The following LPCAT1 variants were observed in gnomAD, a reference collection of about 807,000 sequenced individuals.
The protein encoded by LPCAT1 is lysophosphatidylcholine acyltransferase 1.
In LPCAT1, 23 loss-of-function variants were observed where a neutral mutation model predicts 60.9. That is an observed-to-expected ratio of 0.38 (90% CI 0.27 to 0.53). The LOEUF (loss-of-function observed/expected upper bound fraction) is 0.53. Among genes scored for constraint, LPCAT1 ranks in the 20% least tolerant of loss-of-function variants. The probability of loss-of-function intolerance (pLI) is 0.82; values close to 1 mark genes in which losing one functional copy is unlikely to be tolerated. For missense variants in LPCAT1, 622 were observed against 723.6 expected (o/e 0.86, Z 1.61); for synonymous variants, 340 against 301.1 (o/e 1.13, Z -1.34).
chr5:1,509,705 A>G (rs1290679079), intron 1 of LPCAT1, among the ~76,000 whole-genome samples: 2 of 152,198 alleles, frequency 1.3e-5, no homozygotes, highest in Non-Finnish European at 2.9e-5. Flanking sequence ...TTCATATAAC[A>G]TGACTTCTGG....
chr5:1,505,247 A>G (rs967570278), intron 1 of LPCAT1, among the ~76,000 whole-genome samples: 13 of 149,928 alleles, frequency 8.7e-5, no homozygotes, highest in Admixed American at 6.6e-4. Flanking sequence ...CAGAGTGCGG[A>G]ATAAAATCAC....
At chr5:1,479,423 A>G in intron 8 of LPCAT1, 198 bp downstream of exon 8, 1 of 595,454 alleles carries the variant, frequency 1.7e-6, no homozygotes, top group South Asian at 2.0e-5. Context: ...CAAGTGGTTC[A>G]GACTCATAAG....
intron 12 of LPCAT1, 68 bp downstream of exon 12, chr5:1,470,757 TG>T (rs1166599930): frequency 1.7e-6 from 2 of 1,185,880 alleles, no homozygotes. Flanking sequence ...ACTAGAGAAA[TG>T]AACAATGGTG....
At position 1,477,319 on chromosome 5, in the gene LPCAT1, G is replaced by T. The variant is rs1333276735; in HGVS notation, c.899+85C>A. On this transcript the variant is annotated intron_variant, in intron 9 of 13. Transcript: ENST00000283415. This position sits in a 1 kb window ranked among gnomAD's most constrained non-coding sequence, Gnocchi z 6.0. ...TTCTGCAAGAATGCCTTTTCCTAAC[G>T]CTGTTGCCTATTTTAAATATACAGA... is the stretch of plus-strand genomic sequence containing the variant. 18 of 1,108,086 alleles carry T rather than the reference G, an allele frequency of 1.6e-5. No individual in the cohort carries two copies. The highest frequency in any genetic ancestry group is 2.3e-5 in the Non-Finnish European group (17 of 746,064). 68.6% of individuals were successfully genotyped at this position (1,108,086 alleles called of 1,614,324 possible). A position where few individuals can be genotyped will look rare whatever the true frequency, so the allele number is the denominator to read the frequency against.
rs11953254 is a variant in LPCAT1, at chr5:1,489,397, G to A, written c.606+349C>T. On this transcript the variant is annotated intron_variant, in intron 4 of 13. Transcript: ENST00000283415. ...ATACAGACCAGGAAGTTTACTCCAG[G>A]ACTTTTAGAACCACCCAACACACAG... Among the ~76,000 whole-genome samples, 506 of 152,314 alleles carry A rather than the reference G, an allele frequency of 3.3e-3. 3 individuals carry two copies. Among genetic ancestry groups the A allele is most frequent in the Admixed American group, 8.3e-3 (127 of 15,298 alleles).
Position 1,504,331 on chromosome 5 carries a change from C to T in LPCAT1, c.136-2728G>A, listed in dbSNP as rs572220453. On this transcript the variant is annotated intron_variant, in intron 1 of 13. Coordinates refer to ENST00000283415, the MANE Select transcript of LPCAT1 (RefSeq NM_024830.5). ...GAGAGCGCAGCGGAGGAGACCGTAGCCTCGGCCTTCAGCCCACCTGGTCCC... is the reference window on the plus strand; with the variant it reads ...GAGAGCGCAGCGGAGGAGACCGTAGTCTCGGCCTTCAGCCCACCTGGTCCC... Among the ~76,000 whole-genome samples, 27 of 152,356 alleles carry T rather than the reference C, an allele frequency of 1.8e-4. No homozygotes were observed. In the South Asian group the frequency reaches 5.6e-3, roughly 32 times the overall value.
chr5:1,478,605 C>T (rs554908153), intron 8 of LPCAT1, among the ~76,000 whole-genome samples: 1 of 152,394 alleles, frequency 6.6e-6, no homozygotes, highest in African/African-American at 2.4e-5. Context: ...GAACTGCCGC[C>T]CTCAGGCCCG....
intron 4 of LPCAT1, 97 bp downstream of exon 4, chr5:1,489,649 C>A: frequency 2.2e-6 from 2 of 918,292 alleles, no homozygotes; most frequent in East Asian, 4.8e-5. Context: ...CAGAATCCAG[C>A]CCCGGAGGAA....
intron 8 of LPCAT1, 24 bp downstream of exon 8, chr5:1,479,597 G>A (rs1015301455): frequency 6.4e-7 from 1 of 1,562,958 alleles, no homozygotes; most frequent in Middle Eastern, 1.7e-4. Context: ...GAAGAGCGCT[G>A]TGTAACTCTG....
rs1194463665 is a variant in LPCAT1, at chr5:1,471,989, CAGG to C, written c.1180-1068_1180-1066del. Among the ~76,000 whole-genome samples, 46 of 12,548 alleles carry C rather than the reference CAGG, an allele frequency of 3.7e-3. 1 individual carries two copies. The highest frequency in any genetic ancestry group is 0.015 in the African/African-American group (25 of 1,702). The allele number at this position is 12,548 out of a possible 152,430, so 8.2% of individuals were successfully genotyped here. On this transcript the variant is annotated intron_variant, in intron 11 of 13. Coordinates refer to ENST00000283415, the MANE Select transcript of LPCAT1 (RefSeq NM_024830.5). ...CAGGGGGAGGACTCTGGCCAGGCAGCAGGAGGTGAGGAGCACTCAGGAGCAGAG... is the reference window on the plus strand; with the variant it reads ...CAGGGGGAGGACTCTGGCCAGGCAGCAGGTGAGGAGCACTCAGGAGCAGAG...
At position 1,480,893 on chromosome 5, in the gene LPCAT1, G is replaced by A. The variant is rs530669898; in HGVS notation, c.761+49C>T. The A allele has an allele frequency of 2.5e-5, 40 of 1,609,322 alleles. No homozygotes were observed. The highest frequency in any genetic ancestry group is 9.9e-5 in the South Asian group (9 of 90,988). On this transcript the variant is annotated intron_variant, in intron 7 of 13. Transcript: ENST00000283415. The surrounding 1 kb of genome is among the most constrained non-coding windows in gnomAD (Gnocchi z 6.4). ...ACAGCAGACCCCAAGCAGCCCCTAC[G>A]TGTTCATGGAACAACAGGACAAAGA...
intron 1 of LPCAT1, among the ~76,000 whole-genome samples, chr5:1,514,340 A>G (rs1579815401): frequency 6.6e-6 from 1 of 152,204 alleles, no homozygotes; most frequent in Admixed American, 6.5e-5. Flanking sequence ...CAGCAGCACG[A>G]GGGGCCATCG....
chr5:1,473,872 A>C, intron 11 of LPCAT1, 85 bp downstream of exon 11: 2 of 1,492,002 alleles, frequency 1.3e-6, no homozygotes, highest in Non-Finnish European at 1.8e-6. Flanking sequence ...ATGTGAAAAT[A>C]TATTTATATT....
chr5:1,466,453 C>A (rs1448610935), intron 13 of LPCAT1, among the ~76,000 whole-genome samples: 2 of 152,206 alleles, frequency 1.3e-5, no homozygotes, highest in South Asian at 2.1e-4. Context: ...GTATCCCCCA[C>A]CTCCAGGCAC....
chr5:1,491,456 C>A (rs987593737), intron 3 of LPCAT1, among the ~76,000 whole-genome samples: 2 of 139,754 alleles, frequency 1.4e-5, no homozygotes, highest in African/African-American at 5.5e-5. Context: ...AGAACAGTGA[C>A]GTGGGGGCGT....
In LPCAT1 at chr5:1,480,628, C is replaced by A. The variant is rs985806896; in HGVS notation, c.761+314G>T. Among the ~76,000 whole-genome samples the A allele has an allele frequency of 2.0e-5, 3 of 152,186 alleles. No homozygotes were observed. Among genetic ancestry groups the A allele is most frequent in the Admixed American group, 2.0e-4 (3 of 15,280 alleles). On this transcript the variant is annotated intron_variant, in intron 7 of 13. Transcript: ENST00000283415. The surrounding 1 kb of genome is among the most constrained non-coding windows in gnomAD (Gnocchi z 6.4). ...GGGGTCCCCCCAGACACCCCTAAAT[C>A]TCCACTTTCCTTACCAGGGGCCACC...
chr5:1,475,179 G>A (rs574141220), intron 9 of LPCAT1, among the ~76,000 whole-genome samples: 2 of 152,374 alleles, frequency 1.3e-5, no homozygotes, highest in South Asian at 2.1e-4. Flanking sequence ...TGACCGTGCC[G>A]TGTGTGCTCA....
chr5:1,463,469 G>T lies in LPCAT1; in HGVS notation c.*182C>A. 3 of 662,978 alleles carry T rather than the reference G, an allele frequency of 4.5e-6. No individual in the cohort carries two copies. The highest frequency in any genetic ancestry group is 2.5e-6 in the Non-Finnish European group (1 of 400,058). The allele number at this position is 662,978 out of a possible 1,614,324, so 41.1% of individuals were successfully genotyped here. Reference sequence around the variant, plus strand: ...CTCCGATTCTCGCACAGTAAGCGTCGGTTCTGCAACACACTTCACAAAGGA... The same window carrying T: ...CTCCGATTCTCGCACAGTAAGCGTCTGTTCTGCAACACACTTCACAAAGGA... On this transcript the variant is annotated 3_prime_UTR_variant, in exon 14 of 14. Transcript: ENST00000283415.
intron 8 of LPCAT1, among the ~76,000 whole-genome samples, chr5:1,479,144 C>A (rs1735031498): frequency 6.6e-6 from 1 of 152,172 alleles, no homozygotes; most frequent in Non-Finnish European, 1.5e-5. Context: ...GCCTGTGATC[C>A]CCGCACTTTA....
Sources: gnomAD v4.1 joint callset for allele counts (sites outside exome capture counted in the v4.1 genomes callset) on GRCh38, gnomAD v4.1.1 for gene constraint, Gnocchi (gnomAD v3.1) non-coding constraint, MANE v1.5 for transcripts, NCBI Gene and HGNC (gene_info 2026-07-23, HGNC 2026-07-21) for gene names.